SFSWAP: variants seen among roughly 807,000 people sequenced by gnomAD.
The protein encoded by SFSWAP is splicing factor SWAP.
In SFSWAP, 17 loss-of-function variants were observed where a neutral mutation model predicts 100.7. The ratio of observed to expected loss-of-function variants is 0.17; its 90% CI spans 0.12 to 0.25. The LOEUF is 0.25. Among genes scored for constraint, SFSWAP ranks in the 10% least tolerant of loss-of-function variants. SFSWAP has a pLI of 1.00. For synonymous variants in SFSWAP, 504 were observed against 510.1 expected (o/e 0.99, Z 0.16); for missense variants, 1,005 against 1,262.6 (o/e 0.80, Z 3.09).
rs1885486535 is a variant in SFSWAP, at chr12:131,794,387, A to C, written c.2535-2791A>C. 6.6e-6 allele frequency among the ~76,000 whole-genome samples: 1 copy of C among 151,742 alleles called. No individual in the cohort carries two copies. The highest frequency in any genetic ancestry group is 2.1e-4 in the South Asian group (1 of 4,806). On this transcript the variant is annotated intron_variant, in intron 15 of 17. Coordinates refer to ENST00000261674, the MANE Select transcript of SFSWAP (RefSeq NM_004592.4). This position sits in a 1 kb window ranked among gnomAD's most constrained non-coding sequence, Gnocchi z 4.8. ...CCATCTCTACTTAAAAAAAAAAAAA[A>C]TTAGCCATTTGTGGTGGCGTCTGCC...
intron 3 of SFSWAP, among the ~76,000 whole-genome samples, chr12:131,718,701 A>G (rs1421311442): frequency 6.6e-6 from 1 of 152,246 alleles, no homozygotes; most frequent in Non-Finnish European, 1.5e-5. Flanking sequence ...ATGTAGTGTC[A>G]TGCTGTCAGG....
chr12:131,795,393 C>G (rs1314160301), intron 15 of SFSWAP, among the ~76,000 whole-genome samples: 1 of 152,250 alleles, frequency 6.6e-6, no homozygotes, highest in Non-Finnish European at 1.5e-5. Context: ...CAGAAACGCT[C>G]AGTCCCCCCC....
chr12:131,786,468 G>C lies in SFSWAP; in HGVS notation c.2414G>C (p.Arg805Pro). The C allele has an allele frequency of 5.0e-6, 8 of 1,586,682 alleles. No homozygotes were observed. Among genetic ancestry groups the C allele is most frequent in the Non-Finnish European group, 6.9e-6 (8 of 1,167,400 alleles). ...CTGCCTCCTCCCCTGTCCAGGTCCCGCTCCCGGTCCCCTCGGAGGAGAGCC... is the reference window on the plus strand; with the variant it reads ...CTGCCTCCTCCCCTGTCCAGGTCCCCCTCCCGGTCCCCTCGGAGGAGAGCC... ...AYRTVRRSRS[R>P]SRSPRRRAHS... The change falls in exon 15 of 18, where the codon CGC (arginine) becomes CCC (proline). Residue 805 changes from arginine to proline, a missense_variant. Arg to Pro is a moderately radical substitution (Grantham distance 103, BLOSUM62 -2). This residue lies in a region of SFSWAP where 295 missense variants were observed against 347.9 expected (regional missense o/e 0.85). Transcript: ENST00000261674.
intron 3 of SFSWAP, among the ~76,000 whole-genome samples, chr12:131,719,241 C>T (rs915031138): frequency 4.6e-5 from 7 of 151,990 alleles, no homozygotes; most frequent in African/African-American, 1.7e-4. Context: ...TGCACCCCAC[C>T]TCCCCCCACC....
intron 7 of SFSWAP, among the ~76,000 whole-genome samples, chr12:131,743,448 A>G (rs1485629750): frequency 6.6e-6 from 1 of 152,236 alleles, no homozygotes; most frequent in East Asian, 1.9e-4. Flanking sequence ...CAAGTCCAAA[A>G]TCTAGCAAGG....
chr12:131,736,283 A>G (rs1250234342), intron 7 of SFSWAP, among the ~76,000 whole-genome samples: 2 of 152,260 alleles, frequency 1.3e-5, no homozygotes, highest in Non-Finnish European at 2.9e-5. Flanking sequence ...TTCACCCAGT[A>G]TCAGAATCAC....
rs1879447030 is a variant in SFSWAP, at chr12:131,730,977, C to G, written c.1081+2549C>G. On this transcript the variant is annotated intron_variant, in intron 7 of 17. Transcript: ENST00000261674. The surrounding 1 kb of genome is among the most constrained non-coding windows in gnomAD (Gnocchi z 4.0). ...GGTCTGTGGGTTTTAGACATATGCT[C>G]CTGCATCAGCCATAGGGGTCAGAGC... is the stretch of plus-strand genomic sequence containing the variant. Among the ~76,000 whole-genome samples the G allele has an allele frequency of 6.6e-6, 1 of 152,148 alleles. No individual in the cohort carries two copies.
At chr12:131,777,388 C>T (rs186039573) in intron 13 of SFSWAP, among the ~76,000 whole-genome samples, 3 of 152,076 alleles carry the variant, frequency 2.0e-5, no homozygotes, top group African/African-American at 7.2e-5. Context: ...TGAGAACATG[C>T]GGTGTTTGGT....
chr12:131,720,406 C>T (rs1878358340), intron 4 of SFSWAP, among the ~76,000 whole-genome samples: 3 of 152,106 alleles, frequency 2.0e-5, no homozygotes, highest in Non-Finnish European at 4.4e-5. Flanking sequence ...AGTCACCGTG[C>T]TTTATGGGAT....
chr12:131,746,843 G>C (rs940695686), intron 7 of SFSWAP, among the ~76,000 whole-genome samples: 10 of 152,176 alleles, frequency 6.6e-5, no homozygotes, highest in African/African-American at 2.4e-4. Context: ...GCTGGCTCAC[G>C]CCTATAATCC....
rs570011006 is a variant in SFSWAP, at chr12:131,794,800, G to A, written c.2535-2378G>A. ...ACCGAGGACAGCGTTTCACCCAATGGACAGTGGCACCTCGGTGCTTTAAAA... is the reference window on the plus strand; with the variant it reads ...ACCGAGGACAGCGTTTCACCCAATGAACAGTGGCACCTCGGTGCTTTAAAA... On this transcript the variant is annotated intron_variant, in intron 15 of 17. Coordinates refer to ENST00000261674, the MANE Select transcript of SFSWAP (RefSeq NM_004592.4). This position sits in a 1 kb window ranked among gnomAD's most constrained non-coding sequence, Gnocchi z 4.8. Among the ~76,000 whole-genome samples, 1 of 152,204 alleles carries A rather than the reference G, an allele frequency of 6.6e-6. No homozygotes were observed. Among genetic ancestry groups the A allele is most frequent in the African/African-American group, 2.4e-5 (1 of 41,454 alleles).
At chr12:131,783,644 G>GT (rs1566055215) in intron 14 of SFSWAP, 1 of 151,450 alleles carries the variant, frequency 6.6e-6, no homozygotes, top group East Asian at 2.0e-4. Flanking sequence ...TTAGCCGGGC[G>GT]TGGTGGTGCC....
chr12:131,711,129 A>C lies in SFSWAP; in HGVS notation c.-101A>C, dbSNP rs7134849. 897,726 of 948,808 alleles carry C rather than the reference A, an allele frequency of 0.95. 426,860 individuals carry two copies. The highest frequency in any genetic ancestry group is 0.99 in the East Asian group (36,935 of 37,208). The allele number at this position is 948,808 out of a possible 1,614,324, so 58.8% of individuals were successfully genotyped here. A position where few individuals can be genotyped will look rare whatever the true frequency, so the allele number is the denominator to read the frequency against. Reference sequence around the variant, plus strand: ...TATGGCGGCGGTGTTGAGGTTGGGTACGGGATGCGGGGTCTTTGACTGAAG... The same window carrying C: ...TATGGCGGCGGTGTTGAGGTTGGGTCCGGGATGCGGGGTCTTTGACTGAAG... On this transcript the variant is annotated 5_prime_UTR_variant, in exon 1 of 18. Transcript: ENST00000261674. The surrounding 1 kb of genome is among the most constrained non-coding windows in gnomAD (Gnocchi z 4.9).
intron 14 of SFSWAP, among the ~76,000 whole-genome samples, chr12:131,781,889 T>C (rs1884533188): frequency 6.6e-6 from 1 of 152,184 alleles, no homozygotes; most frequent in Non-Finnish European, 1.5e-5. Flanking sequence ...ATGAAAATAA[T>C]ATTATAAAAC....
Position 131,714,980 on chromosome 12 carries a change from G to C in SFSWAP, c.520+27G>C. 6.2e-7 allele frequency: 1 copy of C among 1,612,904 alleles called. No individual in the cohort carries two copies. The highest frequency in any genetic ancestry group is 8.5e-7 in the Non-Finnish European group (1 of 1,179,704). On this transcript the variant is annotated intron_variant, in intron 3 of 17. Transcript: ENST00000261674. The surrounding 1 kb of genome is among the most constrained non-coding windows in gnomAD (Gnocchi z 6.0). ...TGAGTGGGGAGCTGCCTGGACTGCT[G>C]GTGTAGGGCTACACGTGTACGCACA...
chr12:131,746,721 G>A (rs1229510080), intron 7 of SFSWAP, among the ~76,000 whole-genome samples: 1 of 152,188 alleles, frequency 6.6e-6, no homozygotes, highest in African/African-American at 2.4e-5. Context: ...AGGTAGTTTG[G>A]AAGCACCTAG....
rs540575333 is a variant in SFSWAP, at chr12:131,798,962, G to A, written c.2718-75G>A. ...AGTTCTAGAGTTGGGGTTCGGAGGT[G>A]GGGATGCTGTTCACTGGCCTTGGCT... On this transcript the variant is annotated intron_variant, in intron 16 of 17. Coordinates refer to ENST00000261674, the MANE Select transcript of SFSWAP (RefSeq NM_004592.4). 2,600 of 1,034,212 alleles carry A rather than the reference G, an allele frequency of 2.5e-3. 12 individuals are homozygous for A. The highest frequency in any genetic ancestry group is 3.1e-3 in the Non-Finnish European group (2,014 of 652,278). 64.1% of individuals were successfully genotyped at this position (1,034,212 alleles called of 1,614,324 possible).
At chr12:131,767,447 T>G (rs1037065521) in intron 13 of SFSWAP, among the ~76,000 whole-genome samples, 2 of 152,186 alleles carry the variant, frequency 1.3e-5, no homozygotes, top group African/African-American at 4.8e-5. Flanking sequence ...ACTCTTAAAG[T>G]AAGAAAAATA....
At chr12:131,744,302 T>C (rs1452911597) in intron 7 of SFSWAP, among the ~76,000 whole-genome samples, 1 of 152,254 alleles carries the variant, frequency 6.6e-6, no homozygotes, top group Non-Finnish European at 1.5e-5. Context: ...CTTATAAAAC[T>C]GAATGCCTTT....
Sources: gnomAD v4.1 joint callset for allele counts (sites outside exome capture counted in the v4.1 genomes callset) on GRCh38, gnomAD v4.1.1 for gene constraint, gnomAD v4.1.1 regional missense constraint, Gnocchi (gnomAD v3.1) non-coding constraint, MANE v1.5 for transcripts, NCBI Gene and HGNC (gene_info 2026-07-23, HGNC 2026-07-21) for gene names.